Variants in PTPRR observed in about 807,000 individuals in gnomAD.
The protein encoded by PTPRR is receptor-type tyrosine-protein phosphatase R.
Under a neutral mutation model 77.2 loss-of-function variants are expected in PTPRR, and 38 were observed. The ratio of observed to expected loss-of-function variants is 0.49; its 90% confidence interval spans 0.38 to 0.65. PTPRR has a LOEUF of 0.65. PTPRR is among the 30% of genes least tolerant of loss of function. The probability of loss-of-function intolerance (pLI) is 0.00; values close to 1 mark genes in which losing one functional copy is unlikely to be tolerated. For missense variants in PTPRR, 744 were observed against 799.2 expected, an observed-to-expected ratio of 0.93 and a Z score of 0.83; for synonymous variants, 299 against 283.1, an observed-to-expected ratio of 1.06 and a Z score of -0.57.
At chr12:70,809,490 C>G (rs1891771491) in intron 2 of PTPRR, among the ~76,000 whole-genome samples, 3 of 152,140 alleles carry the variant, frequency 2.0e-5, no homozygotes. Context: ...TAAAAATATG[C>G]ATTATTAAGA....
rs147211043 is a variant in PTPRR, at chr12:70,727,604, T to G, written c.1007+18214A>C. Among the ~76,000 whole-genome samples, 152 of 152,260 alleles carry G rather than the reference T, an allele frequency of 1.0e-3. 1 individual carries two copies. Among genetic ancestry groups the G allele is most frequent in the African/African-American group, 3.5e-3 (147 of 41,554 alleles). ...CTAGAAAGAATTGAAAATTTTATAT[T>G]AGTTATGAACAGCCCTGGGAAACTC... On this transcript the variant is annotated intron_variant, in intron 6 of 13. Coordinates refer to ENST00000283228, the MANE Select transcript of PTPRR (RefSeq NM_002849.4).
chr12:70,761,524 T>C lies in PTPRR; in HGVS notation c.574A>G (p.Asn192Asp). The change falls in exon 4 of 14, where the codon AAT (asparagine) becomes GAT (aspartate). Residue 192 changes from asparagine (N) to aspartate (D), a missense_variant. This residue lies in a region of PTPRR where 570 missense variants were observed against 573.2 expected (regional missense o/e 0.99). Transcript: ENST00000283228. Reference protein sequence around the residue: ...SEEVLRSLNINVLHQSLSQFG... With the variant: ...SEEVLRSLNIDVLHQSLSQFG... ...TGGGATAAACTTTGATGCAAAACAT[T>C]GATATTAAGTGAACGAAGAACTTCC... The C allele has an allele frequency of 6.2e-7, 1 of 1,611,582 alleles. No individual in the cohort carries two copies. Among genetic ancestry groups the C allele is most frequent in the Non-Finnish European group, 8.5e-7 (1 of 1,178,940 alleles).
At chr12:70,893,069 AG>A in intron 1 of PTPRR, 92 bp from the exon 2 acceptor site, 2 of 1,351,890 alleles carry the variant, frequency 1.5e-6, no homozygotes, top group Non-Finnish European at 2.0e-6. Flanking sequence ...CTTTCTTGAG[AG>A]GCTTTAAGAC....
intron 4 of PTPRR, among the ~76,000 whole-genome samples, chr12:70,755,943 T>C (rs1365670634): frequency 6.6e-6 from 1 of 152,090 alleles, no homozygotes; most frequent in Middle Eastern, 3.2e-3. Flanking sequence ...TGGAAATGAA[T>C]TTTTTACAGG....
chr12:70,720,731 T>C (rs937767455), intron 6 of PTPRR, among the ~76,000 whole-genome samples: 1 of 152,092 alleles, frequency 6.6e-6, no homozygotes, highest in Non-Finnish European at 1.5e-5. Context: ...TCCCCCAGGC[T>C]TGGCCTCCCA....
In PTPRR at chr12:70,701,191, C is replaced by T. The variant is rs751063698; in HGVS notation, c.1140G>A (p.Arg380=). The T allele has an allele frequency of 6.2e-7, 1 of 1,613,940 alleles. No individual in the cohort carries two copies. The highest frequency in any genetic ancestry group is 1.1e-5 in the South Asian group (1 of 91,076). ...YLQSASRILT[R]SQLRDVVASS... is the part of the protein sequence containing the mutation. Reference sequence around the variant, plus strand: ...TTGCCACGACGTCCCTCAGCTGAGACCTTGTGAGAATTCGGCTGGCTGACT... The same window carrying T: ...TTGCCACGACGTCCCTCAGCTGAGATCTTGTGAGAATTCGGCTGGCTGACT... The change falls in exon 7 of 14, where the codon AGG becomes AGA. Residue 380 remains arginine, a synonymous_variant. Coordinates refer to ENST00000283228, the MANE Select transcript of PTPRR (RefSeq NM_002849.4).
chr12:70,847,373 C>A (rs17108896), intron 2 of PTPRR, among the ~76,000 whole-genome samples: 18,127 of 152,052 alleles, frequency 0.12, 1,986 homozygotes, highest in African/African-American at 0.3. Context: ...CCAACATATC[C>A]TCTCTAAAAG....
At chr12:70,682,949 T>C (rs1887730802) in intron 10 of PTPRR, among the ~76,000 whole-genome samples, 1 of 152,022 alleles carries the variant, frequency 6.6e-6, no homozygotes, top group African/African-American at 2.4e-5. Context: ...TGTGTTTAGT[T>C]AGTAAGCCAT....
rs185560076 is a variant in PTPRR at position 70,768,597 on chromosome 12, C to G, written c.358-3819G>C. On this transcript the variant is annotated intron_variant, in intron 2 of 13. Transcript: ENST00000283228. Reference sequence around the variant, plus strand: ...ACAGAGGTACAAGGAGGAACTGGTACCATTCCTTCTGAAACTATTCCAATC... The same window carrying G: ...ACAGAGGTACAAGGAGGAACTGGTAGCATTCCTTCTGAAACTATTCCAATC... Among the ~76,000 whole-genome samples the G allele has an allele frequency of 1.6e-3, 241 of 152,254 alleles. 4 individuals carry two copies. The highest frequency in any genetic ancestry group is 5.2e-3 in the African/African-American group (216 of 41,544).
chr12:70,855,591 A>G (rs1892637906), intron 2 of PTPRR, among the ~76,000 whole-genome samples: 1 of 152,202 alleles, frequency 6.6e-6, no homozygotes, highest in Non-Finnish European at 1.5e-5. Context: ...CTCCAGGATC[A>G]CCACACAGAA....
intron 2 of PTPRR, among the ~76,000 whole-genome samples, chr12:70,856,849 GA>G (rs1892661168): frequency 6.7e-6 from 1 of 148,748 alleles, no homozygotes; most frequent in Admixed American, 6.7e-5. Flanking sequence ...GAGAGAGGGG[GA>G]GAGAGAGAGA....
intron 6 of PTPRR, among the ~76,000 whole-genome samples, chr12:70,736,693 G>A (rs1289429436): frequency 6.6e-6 from 1 of 152,096 alleles, no homozygotes; most frequent in Non-Finnish European, 1.5e-5. Flanking sequence ...GATGTTATTT[G>A]GAGTTAAACT....
chr12:70,743,996 T>C (rs1268908678), intron 6 of PTPRR, among the ~76,000 whole-genome samples: 1 of 152,170 alleles, frequency 6.6e-6, no homozygotes, highest in Non-Finnish European at 1.5e-5. Context: ...TTATCTACTA[T>C]AGATAACATG....
intron 3 of PTPRR, among the ~76,000 whole-genome samples, chr12:70,763,033 A>G (rs1207897265): frequency 1.3e-5 from 2 of 151,876 alleles, no homozygotes; most frequent in Non-Finnish European, 2.9e-5. Context: ...ATCTCTCTAT[A>G]TATCTTAGCA....
chr12:70,790,155 A>T (rs2137008852), intron 2 of PTPRR, among the ~76,000 whole-genome samples: 1 of 152,272 alleles, frequency 6.6e-6, no homozygotes, highest in Non-Finnish European at 1.5e-5. Context: ...ACAAATCCAA[A>T]TATCCTGTTA....
At chr12:70,865,904 A>T (rs867885315) in intron 2 of PTPRR, among the ~76,000 whole-genome samples, 2 of 152,312 alleles carry the variant, frequency 1.3e-5, no homozygotes. Context: ...AGACACTGTT[A>T]TACCAGATCT....
Position 70,855,358 on chromosome 12 carries a change from G to A in PTPRR, c.357+37321C>T, listed in dbSNP as rs183853008. Among the ~76,000 whole-genome samples, 10 of 152,266 alleles carry A rather than the reference G, an allele frequency of 6.6e-5. No homozygotes were observed. In the South Asian group the frequency reaches 8.3e-4, roughly 13 times the overall value. ...TTGCTGGTGTCAATAACCAGAGCTG[G>A]CAGCTCCAGCCTCAGCTAGGGCAGC... On this transcript the variant is annotated intron_variant, in intron 2 of 13. Transcript: ENST00000283228.
intron 2 of PTPRR, among the ~76,000 whole-genome samples, chr12:70,819,482 T>G (rs1437772858): frequency 1.3e-5 from 2 of 152,308 alleles, no homozygotes; most frequent in East Asian, 3.9e-4. Flanking sequence ...TGCTGGAAGA[T>G]TCCATCTGCT....
At chr12:70,728,405 C>A (rs1468673872) in intron 6 of PTPRR, among the ~76,000 whole-genome samples, 1 of 141,652 alleles carries the variant, frequency 7.1e-6, no homozygotes, top group East Asian at 2.1e-4. Context: ...CCAAGCATTT[C>A]GGATAAGGGA....
Sources: allele counts gnomAD v4.1 joint callset (sites outside exome capture counted in the v4.1 genomes callset), GRCh38; gene constraint gnomAD v4.1.1; regional missense constraint gnomAD v4.1.1; transcripts MANE v1.5; gene names NCBI Gene and HGNC (gene_info 2026-07-23, HGNC 2026-07-21).